The following REL variants were observed in gnomAD, a reference collection of about 807,000 sequenced individuals.
REL encodes proto-oncogene c-Rel.
Under a neutral mutation model 45.9 loss-of-function variants are expected in REL, and 15 were observed. That is an observed-to-expected ratio of 0.33 (90% CI 0.22 to 0.50). The LOEUF (loss-of-function observed/expected upper bound fraction) is 0.50. Ranked by LOEUF, REL falls within the 20% of genes least tolerant of loss-of-function variation. REL has a pLI of 0.98. For missense variants in REL, 601 were observed against 715.2 expected (o/e 0.84, Z 1.82); for synonymous variants, 239 against 242.1 (o/e 0.99, Z 0.12).
In REL at chr2:60,895,952, T is replaced by C. The variant is rs554703439; in HGVS notation, c.302+1407T>C. 2.2e-4 allele frequency among the ~76,000 whole-genome samples: 33 copies of C among 152,308 alleles called. No individual in the cohort carries two copies. In the East Asian group the frequency reaches 6.0e-3, roughly 28 times the overall value. ...AAAAATCATATTGCCAATATGTCTA[T>C]TGGTATGTAAATATAGTCACAATAT... On this transcript the variant is annotated intron_variant, in intron 3 of 9. Transcript: ENST00000394479.
At position 60,924,210 on chromosome 2, in the gene REL, G is replaced by C. The variant is rs1030661948; in HGVS notation, c.*1675G>C. 4.4e-6 allele frequency: 1 copy of C among 229,110 alleles called. No homozygotes were observed. Among genetic ancestry groups the C allele is most frequent in the African/African-American group, 2.2e-5 (1 of 45,114 alleles). The allele number at this position is 229,110 out of a possible 1,614,324, so 14.2% of individuals were successfully genotyped here. A position where few individuals can be genotyped will look rare whatever the true frequency, so the allele number is the denominator to read the frequency against. ...GCATTCCCTTTCCCCCCTGCTTTAT[G>C]TATGTCCATAGCACTCACCACGATC... On this transcript the variant is annotated 3_prime_UTR_variant, in exon 10 of 10. Coordinates refer to ENST00000394479, the MANE Select transcript of REL (RefSeq NM_001291746.2).
chr2:60,903,131 C>T (rs538275558), intron 4 of REL, among the ~76,000 whole-genome samples: 6 of 152,146 alleles, frequency 3.9e-5, no homozygotes, highest in Non-Finnish European at 5.9e-5. Context: ...TAAGTGATAG[C>T]TATCATTTAT....
rs1674226283 is a variant in REL at position 60,924,617 on chromosome 2, A to T, written c.*2082A>T. 4 of 214,142 alleles carry T rather than the reference A, an allele frequency of 1.9e-5. No homozygotes were observed. The highest frequency in any genetic ancestry group is 3.8e-5 in the Non-Finnish European group (4 of 106,054). 13.3% of individuals were successfully genotyped at this position (214,142 alleles called of 1,614,324 possible). Reference sequence around the variant, plus strand: ...TAATCTTTTTTTTCCTTTTATGAAAAGAGATTTTATTGAAGGTAAAACATT... The same window carrying T: ...TAATCTTTTTTTTCCTTTTATGAAATGAGATTTTATTGAAGGTAAAACATT... On this transcript the variant is annotated 3_prime_UTR_variant, in exon 10 of 10. Coordinates refer to ENST00000394479, the MANE Select transcript of REL (RefSeq NM_001291746.2).
In REL at chr2:60,881,760, C is replaced by A; in HGVS notation, c.-81C>A. On this transcript the variant is annotated 5_prime_UTR_variant, in exon 1 of 10. Coordinates refer to ENST00000394479, the MANE Select transcript of REL (RefSeq NM_001291746.2). ...GGGGGCCCCGCCGGCAGAGGTCCCT[C>A]GGCCTCCTGACTGACTGACTGCGGC... 6 of 1,337,058 alleles carry A rather than the reference C, an allele frequency of 4.5e-6. No individual in the cohort carries two copies. The highest frequency in any genetic ancestry group is 1.5e-5 in the African/African-American group (1 of 66,932). The allele number at this position is 1,337,058 out of a possible 1,614,324, so 82.8% of individuals were successfully genotyped here.
At chr2:60,903,120 A>T (rs1156691444) in intron 4 of REL, among the ~76,000 whole-genome samples, 1 of 152,240 alleles carries the variant, frequency 6.6e-6, no homozygotes, top group African/African-American at 2.4e-5. Context: ...CAAGGAAATT[A>T]TAAGTGATAG....
Position 60,926,457 on chromosome 2 carries a change from A to C in REL, c.*3922A>C, listed in dbSNP as rs1674269400. On this transcript the variant is annotated 3_prime_UTR_variant, in exon 10 of 10. Transcript: ENST00000394479. ...TTTTTTTCAGTCCTCACACTGCTTG[A>C]CCTATGTATAACCTCCTATACTTCC... is the stretch of plus-strand genomic sequence containing the variant. 1 of 231,434 alleles carries C rather than the reference A, an allele frequency of 4.3e-6. No homozygotes were observed. The highest frequency in any genetic ancestry group is 2.2e-5 in the African/African-American group (1 of 45,054). The allele number at this position is 231,434 out of a possible 1,614,324, so 14.3% of individuals were successfully genotyped here.
At position 60,930,022 on chromosome 2, in the gene REL, C is replaced by G. The variant is rs1391376868; in HGVS notation, c.*7487C>G. ...AAAAAAAAGACTTAGAATTGGTGAT[C>G]CAGGCCGCCTAATGGCATCAAATAA... On this transcript the variant is annotated 3_prime_UTR_variant, in exon 10 of 10. Coordinates refer to ENST00000394479, the MANE Select transcript of REL (RefSeq NM_001291746.2). The G allele has an allele frequency of 6.6e-6, 1 of 151,430 alleles. No individual in the cohort carries two copies. Among genetic ancestry groups the G allele is most frequent in the African/African-American group, 2.4e-5 (1 of 41,236 alleles). The allele number at this position is 151,430 out of a possible 1,614,324, so 9.4% of individuals were successfully genotyped here. A position where few individuals can be genotyped will look rare whatever the true frequency, so the allele number is the denominator to read the frequency against.
At chr2:60,889,512 G>C (rs10202069) in intron 1 of REL, among the ~76,000 whole-genome samples, 1 of 151,394 alleles carries the variant, frequency 6.6e-6, no homozygotes, top group Non-Finnish European at 1.5e-5. Context: ...TGTACACATC[G>C]TGCGGCTTTG....
At chr2:60,920,260 A>G in intron 8 of REL, 151 bp downstream of exon 8, 6 of 665,034 alleles carry the variant, frequency 9.0e-6, no homozygotes, top group South Asian at 2.0e-5. Flanking sequence ...GGAGTGCAGT[A>G]GGGCAATCTC....
intron 1 of REL, among the ~76,000 whole-genome samples, chr2:60,882,378 C>T (rs763303879): frequency 2.0e-5 from 3 of 152,106 alleles, no homozygotes; most frequent in Admixed American, 6.6e-5. Flanking sequence ...GTTAATGTTG[C>T]TTCGACCAAG....
intron 9 of REL, 119 bp from the exon 10 acceptor site, chr2:60,921,644 A>G: frequency 2.3e-6 from 2 of 861,130 alleles, no homozygotes; most frequent in Non-Finnish European, 3.5e-6. Flanking sequence ...GAAATGTTAC[A>G]TTGGTTTCCT....
At chr2:60,909,776 C>T (rs1673760281) in intron 4 of REL, among the ~76,000 whole-genome samples, 1 of 152,130 alleles carries the variant, frequency 6.6e-6, no homozygotes, top group African/African-American at 2.4e-5. Context: ...TGGCGTGCAC[C>T]TCTAGTCCTA....
intron 4 of REL, among the ~76,000 whole-genome samples, chr2:60,907,944 G>A (rs186337559): frequency 2.0e-5 from 3 of 151,552 alleles, no homozygotes; most frequent in Non-Finnish European, 2.9e-5. Flanking sequence ...CGTCCACCTC[G>A]GCCTCCCAAA....
intron 4 of REL, among the ~76,000 whole-genome samples, chr2:60,915,592 T>C (rs528159739): frequency 4.3e-4 from 66 of 152,378 alleles, no homozygotes; most frequent in African/African-American, 1.5e-3. Context: ...TTATTAGTTA[T>C]TGCCTGTAAA....
rs1674244174 is a variant in REL at position 60,925,358 on chromosome 2, G to A, written c.*2823G>A. 5.2e-6 allele frequency: 1 copy of A among 191,148 alleles called. No individual in the cohort carries two copies. The highest frequency in any genetic ancestry group is 1.1e-5 in the Non-Finnish European group (1 of 91,220). 11.8% of individuals were successfully genotyped at this position (191,148 alleles called of 1,614,324 possible). A position where few individuals can be genotyped will look rare whatever the true frequency, so the allele number is the denominator to read the frequency against. ...TGGGAAATAGGGAAGACAGCAAAGT[G>A]AGACTTGGGCTCAGGATGGTTCAGG... On this transcript the variant is annotated 3_prime_UTR_variant, in exon 10 of 10. Transcript: ENST00000394479.
In REL at chr2:60,929,842, T is replaced by TA. The variant is rs1210728608; in HGVS notation, c.*7309dup. 7 of 151,400 alleles carry TA rather than the reference T, an allele frequency of 4.6e-5. No homozygotes were observed. Among genetic ancestry groups the TA allele is most frequent in the African/African-American group, 1.5e-4 (6 of 41,202 alleles). The allele number at this position is 151,400 out of a possible 1,614,324, so 9.4% of individuals were successfully genotyped here. Reference sequence around the variant, plus strand: ...AATAAAAAATAAATAAATAAATAAATAAGAAAAAGAAAGCCAGGCATGGTG... The same window carrying TA: ...AATAAAAAATAAATAAATAAATAAATAAAGAAAAAGAAAGCCAGGCATGGTG... On this transcript the variant is annotated 3_prime_UTR_variant, in exon 10 of 10. Transcript: ENST00000394479.
At chr2:60,914,140 G>T (rs1041027653) in intron 4 of REL, among the ~76,000 whole-genome samples, 1 of 152,174 alleles carries the variant, frequency 6.6e-6, no homozygotes, top group Non-Finnish European at 1.5e-5. Flanking sequence ...GCATAAGAAA[G>T]GTATAGGTCA....
At chr2:60,914,835 G>GTTTT (rs34572751) in intron 4 of REL, among the ~76,000 whole-genome samples, 3 of 131,186 alleles carry the variant, frequency 2.3e-5, no homozygotes, top group East Asian at 2.2e-4. Flanking sequence ...TTGTTTTTTT[G>GTTTT]TTTTTTTTTT....
intron 4 of REL, among the ~76,000 whole-genome samples, chr2:60,913,154 G>GT (rs1233781743): frequency 1.3e-5 from 2 of 151,776 alleles, no homozygotes; most frequent in Non-Finnish European, 2.9e-5. Context: ...AAGTTCTCCA[G>GT]TAAACTCTCA....
Sources: gnomAD v4.1 joint callset for allele counts (sites outside exome capture counted in the v4.1 genomes callset) on GRCh38, gnomAD v4.1.1 for gene constraint, MANE v1.5 for transcripts, NCBI Gene and HGNC (gene_info 2026-07-23, HGNC 2026-07-21) for gene names.